The following SRP54 variants were observed in gnomAD, a reference collection of about 807,000 sequenced individuals.
SRP54 encodes the protein signal recognition particle 54, also known as signal recognition particle subunit SRP54.
A neutral mutation model predicts 64.8 loss-of-function variants in SRP54; 10 were observed. That is an observed-to-expected ratio of 0.15 (90% CI 0.10 to 0.26). The LOEUF (loss-of-function observed/expected upper bound fraction) is 0.26. Ranked by LOEUF, SRP54 falls within the 10% of genes least tolerant of loss-of-function variation. The pLI is 1.00. For missense variants in SRP54, 325 were observed against 613.7 expected (o/e 0.53, Z 4.97); for synonymous variants, 193 against 185.6 (o/e 1.04, Z -0.32).
At position 35,013,581 on chromosome 14, in the gene SRP54, A is replaced by G; in HGVS notation, c.785+87A>G. On this transcript the variant is annotated intron_variant, in intron 9 of 15. Transcript: ENST00000216774. ...ATAGCTTTCATATTGATCATTTAAAATATGTTTCAATAGTGAGCCTAATAT... is the reference window on the plus strand; with the variant it reads ...ATAGCTTTCATATTGATCATTTAAAGTATGTTTCAATAGTGAGCCTAATAT... 5.6e-6 allele frequency: 8 copies of G among 1,430,484 alleles called. No individual in the cohort carries two copies. In the Admixed American group the frequency reaches 6.5e-5, roughly 12 times the overall value. The allele number at this position is 1,430,484 out of a possible 1,614,324, so 88.6% of individuals were successfully genotyped here.
intron 1 of SRP54, among the ~76,000 whole-genome samples, chr14:34,989,817 C>G (rs1263356419): frequency 6.6e-6 from 1 of 152,040 alleles, no homozygotes; most frequent in African/African-American, 2.4e-5. Context: ...AGTTAATATG[C>G]TAGGTTTTTG....
At chr14:35,003,057 T>C (rs1443136743) in intron 4 of SRP54, among the ~76,000 whole-genome samples, 2 of 152,144 alleles carry the variant, frequency 1.3e-5, no homozygotes, top group African/African-American at 2.4e-5. Context: ...GAAATTTTTA[T>C]TGTTAGGGGC....
chr14:35,018,938 A>ATTGACT (rs754070211), intron 12 of SRP54, 28 bp from the exon 13 acceptor site: 3 of 1,589,738 alleles, frequency 1.9e-6, no homozygotes, highest in Middle Eastern at 1.7e-4. Context: ...TTAAGCTACT[A>ATTGACT]TTGACTTTAT....
At chr14:35,017,809 C>T (rs1041235008) in intron 11 of SRP54, among the ~76,000 whole-genome samples, 2 of 152,142 alleles carry the variant, frequency 1.3e-5, no homozygotes, top group African/African-American at 4.8e-5. Context: ...TGTGCCCTTT[C>T]CCGGTAATAC....
intron 8 of SRP54, among the ~76,000 whole-genome samples, chr14:35,012,574 C>T (rs1447431636): frequency 2.0e-5 from 3 of 152,172 alleles, no homozygotes; most frequent in Non-Finnish European, 2.9e-5. Context: ...ATACACTCTT[C>T]TACTTTGATT....
At chr14:35,007,638 A>G (rs2044282890) in intron 5 of SRP54, among the ~76,000 whole-genome samples, 2 of 101,818 alleles carry the variant, frequency 2.0e-5, no homozygotes, top group African/African-American at 5.7e-5. Context: ...ATATATTTAT[A>G]TTATAATAAA....
chr14:35,009,314 G>C (rs1158246522), intron 7 of SRP54, among the ~76,000 whole-genome samples: 1 of 151,682 alleles, frequency 6.6e-6, no homozygotes, highest in Non-Finnish European at 1.5e-5. Flanking sequence ...CCGAAGGGCT[G>C]GGATTACAGG....
At chr14:34,988,966 A>T (rs1170693586) in intron 1 of SRP54, among the ~76,000 whole-genome samples, 1 of 152,158 alleles carries the variant, frequency 6.6e-6, no homozygotes, top group African/African-American at 2.4e-5. Flanking sequence ...TACCATATTT[A>T]TATCCTTAAG....
intron 1 of SRP54, among the ~76,000 whole-genome samples, chr14:34,993,778 C>A (rs2044021107): frequency 6.6e-6 from 1 of 152,114 alleles, no homozygotes; most frequent in Non-Finnish European, 1.5e-5. Flanking sequence ...TCACCGCAAT[C>A]TCCACCTCCC....
intron 1 of SRP54, among the ~76,000 whole-genome samples, chr14:34,991,376 C>G (rs534167137): frequency 6.6e-6 from 1 of 151,888 alleles, no homozygotes; most frequent in South Asian, 2.1e-4. Context: ...GCAATCCACT[C>G]ACCTCGGCCT....
intron 11 of SRP54, among the ~76,000 whole-genome samples, chr14:35,016,731 T>C (rs4386037): frequency 0.35 from 52,562 of 152,074 alleles, 9,690 homozygotes; most frequent in East Asian, 0.69. Flanking sequence ...GGTTACTCAT[T>C]TTTTATGTTC....
chr14:35,010,707 G>A (rs996579618), intron 7 of SRP54, among the ~76,000 whole-genome samples: 4 of 151,978 alleles, frequency 2.6e-5, no homozygotes, highest in East Asian at 3.9e-4. Context: ...AGAAGTGGCA[G>A]TGAGCCGAGA....
rs984813969 is a variant in SRP54 at position 35,000,240 on chromosome 14, T to G, written c.170+591T>G. On this transcript the variant is annotated intron_variant, in intron 3 of 15. Coordinates refer to ENST00000216774, the MANE Select transcript of SRP54 (RefSeq NM_003136.4). ...TCTCCTTGTATTGTTAGACTGAGAT[T>G]AGTTGTGGGACTACCAGCATTTAAG... Among the ~76,000 whole-genome samples the G allele has an allele frequency of 4.1e-4, 63 of 152,164 alleles. 1 individual carries two copies. The highest frequency in any genetic ancestry group is 4.1e-3 in the Admixed American group (62 of 15,260).
intron 8 of SRP54, 123 bp from the exon 9 acceptor site, chr14:35,013,223 G>T (rs914599914): frequency 1.1e-6 from 1 of 888,976 alleles, no homozygotes; most frequent in Non-Finnish European, 1.7e-6. Flanking sequence ...CCAAAGTGCT[G>T]GGATTACAGG....
At chr14:35,008,462 T>G (rs2044301900) in intron 5 of SRP54, among the ~76,000 whole-genome samples, 165 bp from the exon 6 acceptor site, 1 of 152,218 alleles carries the variant, frequency 6.6e-6, no homozygotes, top group African/African-American at 2.4e-5. Context: ...ATATAAAACT[T>G]TGTAGGAAAT....
intron 4 of SRP54, among the ~76,000 whole-genome samples, chr14:35,006,301 A>G (rs1036082768): frequency 6.6e-6 from 1 of 152,188 alleles, no homozygotes; most frequent in African/African-American, 2.4e-5. Flanking sequence ...GACCTGGAAA[A>G]TCTTTCACAT....
chr14:35,011,799 A>G (rs1483957192), intron 8 of SRP54, 140 bp downstream of exon 8: 2 of 642,634 alleles, frequency 3.1e-6, no homozygotes, highest in Non-Finnish European at 4.8e-6. Flanking sequence ...TTGGGCACCT[A>G]TATCTATGTG....
chr14:35,011,649 C>A lies in SRP54; in HGVS notation c.626C>A (p.Ala209Asp). The change falls in exon 8 of 16, where the codon GCT becomes GAT. Residue 209 changes from alanine to aspartate, a missense_variant. Physicochemically the swap from Ala to Asp is moderately radical, Grantham distance 126. This residue lies in a region of SRP54 where 156 missense variants were observed against 254.6 expected (regional missense o/e 0.61). Coordinates refer to ENST00000216774, the MANE Select transcript of SRP54 (RefSeq NM_003136.4). ...TTGTTTGAAGAAATGCTTCAAGTTG[C>A]TAATGCTATAGTAAGTAGCTTTCAA... ...DSLFEEMLQV[A>D]NAIQPDNIVY... 6.4e-7 allele frequency: 1 copy of A among 1,567,912 alleles called. No homozygotes were observed. Among genetic ancestry groups the A allele is most frequent in the Non-Finnish European group, 8.7e-7 (1 of 1,152,268 alleles).
chr14:34,993,121 G>C (rs1450323394), intron 1 of SRP54: 1 of 152,094 alleles, frequency 6.6e-6, no homozygotes, highest in Non-Finnish European at 1.5e-5. Context: ...TGGCCTCCCA[G>C]AGTGCTGGGA....
Sources: gnomAD v4.1 joint callset for allele counts (sites outside exome capture counted in the v4.1 genomes callset) on GRCh38, gnomAD v4.1.1 for gene constraint, gnomAD v4.1.1 regional missense constraint, MANE v1.5 for transcripts, NCBI Gene and HGNC (gene_info 2026-07-23, HGNC 2026-07-21) for gene names.